The following PRKG1 variants were observed in gnomAD, a reference collection of about 807,000 sequenced individuals.
PRKG1 encodes protein kinase cGMP-dependent 1, also known as cGMP-dependent protein kinase 1.
PRKG1 carries 35 observed loss-of-function variants against 88.1 expected under a neutral mutation model. The ratio of observed to expected loss-of-function variants is 0.40; its 90% CI spans 0.30 to 0.53. The LOEUF is 0.53. Ranked by LOEUF, PRKG1 falls within the 20% of genes least tolerant of loss-of-function variation. The pLI, the probability that PRKG1 is intolerant of heterozygous loss-of-function variation, is 0.59. For missense variants in PRKG1, 540 were observed against 839.8 expected, an observed-to-expected ratio of 0.64 and a Z score of 4.41; for synonymous variants, 303 against 292.5, an observed-to-expected ratio of 1.04 and a Z score of -0.37.
At position 51,103,336 on chromosome 10, in the gene PRKG1, A is replaced by T. The variant is rs191665943; in HGVS notation, c.311+28435A>T. ...ACTAATGAAGGCATTTGATCATGAAATTTTAGAATACTGGGCAAGCTTCAA... is the reference window on the plus strand; with the variant it reads ...ACTAATGAAGGCATTTGATCATGAATTTTTAGAATACTGGGCAAGCTTCAA... On this transcript the variant is annotated intron_variant, in intron 1 of 17. Transcript: ENST00000373980. Among the ~76,000 whole-genome samples the T allele has an allele frequency of 5.9e-5, 9 of 152,292 alleles. No individual in the cohort carries two copies. In the South Asian group the frequency reaches 6.2e-4, roughly 11 times the overall value.
chr10:51,695,215 TAC>T (rs1170225925), intron 3 of PRKG1, among the ~76,000 whole-genome samples: 1 of 152,188 alleles, frequency 6.6e-6, no homozygotes, highest in Non-Finnish European at 1.5e-5. Flanking sequence ...GCTATTGAAA[TAC>T]AGAGGAATTC....
At chr10:52,127,547 G>C (rs1203710342) in intron 7 of PRKG1, among the ~76,000 whole-genome samples, 1 of 152,054 alleles carries the variant, frequency 6.6e-6, no homozygotes, top group Non-Finnish European at 1.5e-5. Context: ...AAAACAAATT[G>C]AGAAGGTGGT....
chr10:51,582,698 C>G lies in PRKG1; in HGVS notation c.592+114862C>G, dbSNP rs1243980074. On this transcript the variant is annotated intron_variant, in intron 3 of 17. Coordinates refer to ENST00000373980, the MANE Select transcript of PRKG1 (RefSeq NM_006258.4). ...ATGTACCACATTTTCTTTATCCAGT[C>G]TATCATTGATGGGCATTTGGGTTGG... is the stretch of plus-strand genomic sequence containing the variant. Among the ~76,000 whole-genome samples the G allele has an allele frequency of 2.6e-5, 4 of 152,204 alleles. No homozygotes were observed. In the East Asian group the frequency reaches 7.7e-4, roughly 29 times the overall value.
intron 3 of PRKG1, among the ~76,000 whole-genome samples, chr10:51,762,436 A>C (rs1043853574): frequency 6.6e-6 from 1 of 152,196 alleles, no homozygotes; most frequent in African/African-American, 2.4e-5. Flanking sequence ...GTATTATAAA[A>C]CATTCAACTA....
At chr10:51,497,892 A>G (rs1840907105) in intron 3 of PRKG1, among the ~76,000 whole-genome samples, 2 of 152,230 alleles carry the variant, frequency 1.3e-5, no homozygotes, top group South Asian at 4.1e-4. Context: ...AATTCTAGGC[A>G]TGGTTCCATC....
Position 51,510,549 on chromosome 10 carries a change from A to G in PRKG1, c.592+42713A>G, listed in dbSNP as rs141293053. 2.4e-3 allele frequency among the ~76,000 whole-genome samples: 358 copies of G among 152,222 alleles called. 2 individuals are homozygous for G. Among genetic ancestry groups the G allele is most frequent in the Middle Eastern group, 0.01 (3 of 294 alleles). On this transcript the variant is annotated intron_variant, in intron 3 of 17. Coordinates refer to ENST00000373980, the MANE Select transcript of PRKG1 (RefSeq NM_006258.4). ...TCTTGACTTTCTAAACAGGTCTACA[A>G]TTTTAATTATTTTCTTCAAGAAATG... is the stretch of plus-strand genomic sequence containing the variant.
chr10:51,089,616 C>A (rs537983503), intron 1 of PRKG1, among the ~76,000 whole-genome samples: 1 of 152,248 alleles, frequency 6.6e-6, no homozygotes, highest in Admixed American at 6.5e-5. Flanking sequence ...CTCATCTAGT[C>A]ATATGCTTAT....
intron 1 of PRKG1, among the ~76,000 whole-genome samples, chr10:51,049,556 G>A (rs1017249592): frequency 2.0e-5 from 3 of 152,142 alleles, no homozygotes; most frequent in Non-Finnish European, 4.4e-5. Context: ...TAATATAAGT[G>A]CTAAGTTTTC....
At chr10:51,160,983 T>A (rs78996561) in intron 2 of PRKG1, among the ~76,000 whole-genome samples, 2,924 of 152,190 alleles carry the variant, frequency 0.019, 48 homozygotes, top group Middle Eastern at 0.051. Context: ...TTTACATTGA[T>A]AATCGAAAGA....
In PRKG1 at chr10:51,009,500, G is replaced by C. The variant is rs551636294; in HGVS notation, c.266+17856G>C. 7.2e-5 allele frequency among the ~76,000 whole-genome samples: 11 copies of C among 152,216 alleles called. No homozygotes were observed. In the East Asian group the frequency reaches 2.1e-3, roughly 29 times the overall value. ...TCTATAACAGAAATTGAGGATTTCT[G>C]TTATGGTATTTCTATTTTACTATCA... On this transcript the variant is annotated intron_variant, in intron 1 of 17. Transcript: ENST00000401604.
intron 9 of PRKG1, among the ~76,000 whole-genome samples, chr10:52,182,973 G>A (rs971447255): frequency 6.6e-6 from 1 of 152,136 alleles, no homozygotes; most frequent in Non-Finnish European, 1.5e-5. Context: ...AGTAAAGGGG[G>A]AGCAAGCATT....
chr10:51,402,992 A>C (rs1402408858), intron 2 of PRKG1, among the ~76,000 whole-genome samples: 1 of 152,232 alleles, frequency 6.6e-6, no homozygotes, highest in Non-Finnish European at 1.5e-5. Context: ...CACACAAAGC[A>C]AATAATTGTT....
intron 2 of PRKG1, among the ~76,000 whole-genome samples, chr10:51,214,157 G>A (rs1228844261): frequency 6.6e-6 from 1 of 152,074 alleles, no homozygotes; most frequent in Non-Finnish European, 1.5e-5. Flanking sequence ...CCCTTTTAAA[G>A]ATATACAATA....
intron 4 of PRKG1, among the ~76,000 whole-genome samples, chr10:51,805,820 G>T (rs1292215308): frequency 6.6e-6 from 1 of 151,718 alleles, no homozygotes; most frequent in Non-Finnish European, 1.5e-5. Flanking sequence ...ATGCTAAAGG[G>T]GTAATACAAT....
chr10:51,231,746 G>C (rs936051351), intron 2 of PRKG1, among the ~76,000 whole-genome samples: 9 of 150,516 alleles, frequency 6.0e-5, no homozygotes, highest in African/African-American at 2.2e-4. Context: ...ACTTCTAGAT[G>C]TGACGTTTTC....
intron 3 of PRKG1, among the ~76,000 whole-genome samples, chr10:51,672,947 G>T (rs1840620490): frequency 6.6e-6 from 1 of 152,126 alleles, no homozygotes; most frequent in Non-Finnish European, 1.5e-5. Flanking sequence ...CACATGATTT[G>T]TTCAAGGATC....
At chr10:51,658,908 A>G (rs1337590715) in intron 3 of PRKG1, among the ~76,000 whole-genome samples, 1 of 152,006 alleles carries the variant, frequency 6.6e-6, no homozygotes, top group Non-Finnish European at 1.5e-5. Context: ...AATCCTTTCT[A>G]CTTTTGAAAA....
intron 5 of PRKG1, among the ~76,000 whole-genome samples, chr10:51,939,019 A>G (rs1842851504): frequency 6.6e-6 from 1 of 152,022 alleles, no homozygotes. Context: ...GAGTATGTAC[A>G]CTTTTAAGAA....
intron 9 of PRKG1, among the ~76,000 whole-genome samples, chr10:52,198,489 GAAT>G (rs1357055559): frequency 6.6e-6 from 1 of 152,158 alleles, no homozygotes; most frequent in Non-Finnish European, 1.5e-5. Flanking sequence ...TGAGCAAATA[GAAT>G]CAGGAAAAAC....
Sources: allele counts gnomAD v4.1 joint callset (sites outside exome capture counted in the v4.1 genomes callset), GRCh38; gene constraint gnomAD v4.1.1; transcripts MANE v1.5; gene names NCBI Gene and HGNC (gene_info 2026-07-23, HGNC 2026-07-21).